Variants in CNTN5 observed in about 807,000 individuals in gnomAD.
CNTN5 encodes contactin-5.
In CNTN5, 77 loss-of-function variants were observed where a neutral mutation model predicts 129.1. That is an observed-to-expected ratio of 0.60 (90% confidence interval 0.50 to 0.72). The LOEUF is 0.72. Ranked by LOEUF, CNTN5 falls within the 30% of genes least tolerant of loss-of-function variation. CNTN5 has a pLI of 0.00. For missense variants in CNTN5, 1,478 were observed against 1,328.8 expected (o/e 1.11, Z -1.75); for synonymous variants, 509 against 465.6 (o/e 1.09, Z -1.20).
At chr11:100,018,853 T>A (rs1051102090) in intron 9 of CNTN5, among the ~76,000 whole-genome samples, 1 of 151,998 alleles carries the variant, frequency 6.6e-6, no homozygotes, top group Non-Finnish European at 1.5e-5. Flanking sequence ...TCTGTAATTA[T>A]GCCATTTAAT....
chr11:99,370,793 C>T (rs770188459), intron 2 of CNTN5, among the ~76,000 whole-genome samples: 19 of 152,138 alleles, frequency 1.2e-4, no homozygotes, highest in Non-Finnish European at 2.4e-4. Flanking sequence ...AAAAGACTCT[C>T]GTGGTAAAGC....
At chr11:99,172,704 C>T (rs773407613) in intron 1 of CNTN5, among the ~76,000 whole-genome samples, 10 of 151,962 alleles carry the variant, frequency 6.6e-5, no homozygotes, top group Non-Finnish European at 8.8e-5. Flanking sequence ...GCAAATATTC[C>T]GAATGAAAGA....
At chr11:99,174,182 A>G (rs2135548017) in intron 1 of CNTN5, among the ~76,000 whole-genome samples, 1 of 152,200 alleles carries the variant, frequency 6.6e-6, no homozygotes, top group South Asian at 2.1e-4. Context: ...TATTTTCTGT[A>G]GAGACGGGGT....
chr11:99,727,737 A>G (rs1048365592), intron 3 of CNTN5, among the ~76,000 whole-genome samples: 1 of 152,184 alleles, frequency 6.6e-6, no homozygotes, highest in African/African-American at 2.4e-5. Context: ...ACTTAGTGCC[A>G]TCCACATACA....
intron 2 of CNTN5, among the ~76,000 whole-genome samples, chr11:99,410,394 C>A (rs1354232498): frequency 6.6e-6 from 1 of 152,122 alleles, no homozygotes; most frequent in Admixed American, 6.5e-5. Flanking sequence ...ACATACCTTT[C>A]CTTGTTTTCA....
At chr11:99,162,992 C>T (rs921950941) in intron 1 of CNTN5, among the ~76,000 whole-genome samples, 12 of 152,094 alleles carry the variant, frequency 7.9e-5, no homozygotes, top group South Asian at 4.1e-4. Context: ...ATTTGATATG[C>T]GACACTCTGC....
intron 1 of CNTN5, among the ~76,000 whole-genome samples, chr11:99,155,865 C>A (rs1860309767): frequency 6.6e-6 from 1 of 152,082 alleles, no homozygotes; most frequent in Non-Finnish European, 1.5e-5. Context: ...CAGACATAAC[C>A]TGGTCATCAA....
At chr11:99,660,360 G>T (rs1346037588) in intron 3 of CNTN5, among the ~76,000 whole-genome samples, 1 of 152,222 alleles carries the variant, frequency 6.6e-6, no homozygotes, top group East Asian at 1.9e-4. Flanking sequence ...TTACAAATTG[G>T]CCTGAGGAAA....
At chr11:99,798,920 T>G (rs1946030763) in intron 3 of CNTN5, among the ~76,000 whole-genome samples, 3 of 152,178 alleles carry the variant, frequency 2.0e-5, no homozygotes, top group Admixed American at 2.0e-4. Flanking sequence ...TCCATTTGTT[T>G]GTGTCATCTA....
At chr11:99,925,066 G>C (rs940878076) in intron 7 of CNTN5, among the ~76,000 whole-genome samples, 1 of 152,100 alleles carries the variant, frequency 6.6e-6, no homozygotes, top group Admixed American at 6.6e-5. Context: ...CTCCCATAAA[G>C]TGCAAAACCA....
intron 1 of CNTN5, among the ~76,000 whole-genome samples, chr11:99,291,099 G>T (rs1269561264): frequency 6.6e-6 from 1 of 151,816 alleles, no homozygotes; most frequent in Non-Finnish European, 1.5e-5. Flanking sequence ...AAAATAATGG[G>T]ATTCTCTAAT....
At chr11:99,162,722 T>C (rs1860675358) in intron 1 of CNTN5, among the ~76,000 whole-genome samples, 1 of 152,226 alleles carries the variant, frequency 6.6e-6, no homozygotes, top group African/African-American at 2.4e-5. Flanking sequence ...GACTTAGGTA[T>C]GACTAGTTTC....
chr11:99,881,483 CT>C (rs1948770413), intron 6 of CNTN5, among the ~76,000 whole-genome samples: 1 of 152,056 alleles, frequency 6.6e-6, no homozygotes, highest in Admixed American at 6.6e-5. Flanking sequence ...ATTAGTTATG[CT>C]TTTTAAAAAT....
At chr11:100,292,635 C>T (rs578246470) in intron 18 of CNTN5, among the ~76,000 whole-genome samples, 1 of 151,794 alleles carries the variant, frequency 6.6e-6, no homozygotes, top group Non-Finnish European at 1.5e-5. Context: ...AAATAATATC[C>T]CCACTTCTCT....
At chr11:99,197,423 T>A (rs536178034) in intron 1 of CNTN5, among the ~76,000 whole-genome samples, 6 of 152,002 alleles carry the variant, frequency 3.9e-5, no homozygotes, top group Non-Finnish European at 8.8e-5. Context: ...AGCTTGTAAT[T>A]CTCCAAAGTA....
At chr11:99,289,443 T>TAA (rs1378667035) in intron 1 of CNTN5, among the ~76,000 whole-genome samples, 2 of 151,774 alleles carry the variant, frequency 1.3e-5, no homozygotes, top group Non-Finnish European at 3.0e-5. Context: ...TATTAATAGT[T>TAA]ACCTACTTAA....
intron 13 of CNTN5, among the ~76,000 whole-genome samples, chr11:100,157,498 A>T (rs1947288104): frequency 6.7e-6 from 1 of 149,884 alleles, no homozygotes; most frequent in African/African-American, 2.5e-5. Flanking sequence ...TGAATTGAAA[A>T]ACTCAATCTT....
chr11:99,276,521 A>G (rs1386538990), intron 1 of CNTN5, among the ~76,000 whole-genome samples: 1 of 151,584 alleles, frequency 6.6e-6, no homozygotes. Flanking sequence ...TGGGCAAACT[A>G]CTTTTCTCAT....
At chr11:99,044,552 A>G (rs1267777890) in intron 1 of CNTN5, among the ~76,000 whole-genome samples, 1 of 152,166 alleles carries the variant, frequency 6.6e-6, no homozygotes, top group Admixed American at 6.5e-5. Flanking sequence ...CCAGCCACAG[A>G]GATGGACCAA....
Sources: allele counts gnomAD v4.1 joint callset (sites outside exome capture counted in the v4.1 genomes callset), GRCh38; gene constraint gnomAD v4.1.1; transcripts MANE v1.5; gene names NCBI Gene and HGNC (gene_info 2026-07-23, HGNC 2026-07-21).